Variants in MDGA1 observed in about 807,000 individuals in gnomAD.
The protein encoded by MDGA1 is MAM domain containing glycosylphosphatidylinositol anchor 1, also known as MAM domain-containing glycosylphosphatidylinositol anchor protein 1.
Under a neutral mutation model 101.5 loss-of-function variants are expected in MDGA1, and 54 were observed. The ratio of observed to expected loss-of-function variants is 0.53; its 90% CI spans 0.43 to 0.67. The LOEUF is 0.67. MDGA1 is among the 30% of genes least tolerant of loss of function. MDGA1 has a pLI of 0.00. For synonymous variants in MDGA1, 533 were observed against 558.3 expected, an observed-to-expected ratio of 0.95 and a Z score of 0.64; for missense variants, 1,083 against 1,323.8, an observed-to-expected ratio of 0.82 and a Z score of 2.82.
intron 1 of MDGA1, among the ~76,000 whole-genome samples, chr6:37,667,481 C>T (rs1761779215): frequency 1.3e-5 from 2 of 152,198 alleles, no homozygotes; most frequent in South Asian, 4.1e-4. Context: ...ATATAAGATG[C>T]ACTCTAGAAT....
Position 37,655,361 on chromosome 6 carries a change from G to T in MDGA1, c.579+339C>A. The T allele has an allele frequency of 3.0e-6, 1 of 334,296 alleles. No homozygotes were observed. The highest frequency in any genetic ancestry group is 4.9e-5 in the South Asian group (1 of 20,544). The allele number at this position is 334,296 out of a possible 1,614,324, so 20.7% of individuals were successfully genotyped here. On this transcript the variant is annotated intron_variant, in intron 4 of 16. Transcript: ENST00000434837. This position sits in a 1 kb window ranked among gnomAD's most constrained non-coding sequence, Gnocchi z 5.1. ...CCATGGGAAGAGGAGTCATCTCCTC[G>T]CCCCCAGATCCTGCTGTGCCTGGCC...
chr6:37,677,765 C>T (rs113956624), intron 1 of MDGA1, among the ~76,000 whole-genome samples: 1 of 152,138 alleles, frequency 6.6e-6, no homozygotes. Context: ...GCTGGTGGGG[C>T]CTTGGCCCAT....
At chr6:37,682,453 C>G (rs1366747850) in intron 1 of MDGA1, among the ~76,000 whole-genome samples, 1 of 152,184 alleles carries the variant, frequency 6.6e-6, no homozygotes, top group Non-Finnish European at 1.5e-5. Flanking sequence ...CATTGCACTC[C>G]AGCCTGGGTG....
chr6:37,683,601 A>AC, intron 1 of MDGA1, among the ~76,000 whole-genome samples: 1 of 152,012 alleles, frequency 6.6e-6, no homozygotes, highest in Non-Finnish European at 1.5e-5. Context: ...GGGAATTAAC[A>AC]CCCCCAGGAG....
chr6:37,648,963 G>T lies in MDGA1; in HGVS notation c.1894+19C>A. The T allele has an allele frequency of 6.5e-7, 1 of 1,547,814 alleles. No individual in the cohort carries two copies. ...CCTGGTGGGCGTGGTAGGTGGGGCG[G>T]GACCCACTGGACGCTCACCGGAGAC... On this transcript the variant is annotated intron_variant, in intron 9 of 16. Coordinates refer to ENST00000434837, the MANE Select transcript of MDGA1 (RefSeq NM_153487.4).
In MDGA1 at chr6:37,638,445, C is replaced by T. The variant is rs1000182780; in HGVS notation, c.2667+92G>A. 14 of 1,576,038 alleles carry T rather than the reference C, an allele frequency of 8.9e-6. No homozygotes were observed. Among genetic ancestry groups the T allele is most frequent in the Non-Finnish European group, 1.1e-5 (13 of 1,155,228 alleles). ...CTAACCTGACTCTTTCCATCCTTAG[C>T]CCCCAGGAAGAAGGACAAGGTTTTC... On this transcript the variant is annotated intron_variant, in intron 15 of 16. Coordinates refer to ENST00000434837, the MANE Select transcript of MDGA1 (RefSeq NM_153487.4). This position sits in a 1 kb window ranked among gnomAD's most constrained non-coding sequence, Gnocchi z 4.8.
chr6:37,664,861 A>ACACACACACACACACACACACACC (rs1761711006), intron 1 of MDGA1, among the ~76,000 whole-genome samples: 1 of 107,770 alleles, frequency 9.3e-6, no homozygotes, highest in African/African-American at 3.3e-5. Context: ...ACACACACAC[A>ACACACACACACACACACACACACC]CACACACACA....
At chr6:37,667,930 G>A (rs1226694940) in intron 1 of MDGA1, among the ~76,000 whole-genome samples, 1 of 152,174 alleles carries the variant, frequency 6.6e-6, no homozygotes, top group African/African-American at 2.4e-5. Flanking sequence ...GGGGCCATGA[G>A]TGGATATCAG....
chr6:37,638,147 C>T lies in MDGA1; in HGVS notation c.2776+58G>A. Reference sequence around the variant, plus strand: ...ACACCCTCCCTCAACAGACAGGAACCCCCGCCACGCACAGCTCCCTCCAGA... The same window carrying T: ...ACACCCTCCCTCAACAGACAGGAACTCCCGCCACGCACAGCTCCCTCCAGA... On this transcript the variant is annotated intron_variant, in intron 16 of 16. Coordinates refer to ENST00000434837, the MANE Select transcript of MDGA1 (RefSeq NM_153487.4). The surrounding 1 kb of genome is among the most constrained non-coding windows in gnomAD (Gnocchi z 4.8). 6.9e-7 allele frequency: 1 copy of T among 1,444,018 alleles called. No homozygotes were observed. The allele number at this position is 1,444,018 out of a possible 1,614,324, so 89.5% of individuals were successfully genotyped here. A position where few individuals can be genotyped will look rare whatever the true frequency, so the allele number is the denominator to read the frequency against.
intron 1 of MDGA1, among the ~76,000 whole-genome samples, chr6:37,674,973 C>T (rs1761947529): frequency 6.6e-6 from 1 of 152,176 alleles, no homozygotes; most frequent in Non-Finnish European, 1.5e-5. Flanking sequence ...GGGAGAATCA[C>T]TTGAACCTGG....
At chr6:37,695,921 T>A (rs1189112769) in intron 1 of MDGA1, among the ~76,000 whole-genome samples, 13 of 152,146 alleles carry the variant, frequency 8.5e-5, no homozygotes, top group Admixed American at 8.5e-4. Flanking sequence ...CCCCGGGCCT[T>A]CCCTGGGAAA....
intron 16 of MDGA1, chr6:37,637,967 G>A (rs1192507475): frequency 2.8e-5 from 16 of 580,822 alleles, no homozygotes; most frequent in Non-Finnish European, 4.0e-5. Flanking sequence ...CTCTGATACC[G>A]TGAACAGGTC....
chr6:37,687,441 T>C (rs1762220378), intron 1 of MDGA1, among the ~76,000 whole-genome samples: 3 of 150,096 alleles, frequency 2.0e-5, no homozygotes, highest in Admixed American at 1.3e-4. Context: ...TGGTGGTGTA[T>C]GCCTGTAGTC....
intron 1 of MDGA1, among the ~76,000 whole-genome samples, chr6:37,669,174 A>T (rs747503454): frequency 3.3e-5 from 5 of 152,118 alleles, no homozygotes; most frequent in Non-Finnish European, 7.4e-5. Flanking sequence ...AGAAGAAGAG[A>T]TCCCATCTGG....
intron 2 of MDGA1, 149 bp from the exon 3 acceptor site, chr6:37,658,568 A>T: frequency 1.4e-6 from 1 of 731,888 alleles, no homozygotes; most frequent in Non-Finnish European, 2.2e-6. Context: ...ACGAACCCAG[A>T]CAGACTCGTG....
intron 1 of MDGA1, among the ~76,000 whole-genome samples, chr6:37,694,540 G>T (rs1007790719): frequency 3.9e-5 from 6 of 152,186 alleles, no homozygotes; most frequent in East Asian, 1.9e-4. Flanking sequence ...GGGGAGGGGG[G>T]CAGAAGAACT....
chr6:37,640,786 G>A (rs1284651890), intron 14 of MDGA1, among the ~76,000 whole-genome samples: 2 of 152,156 alleles, frequency 1.3e-5, no homozygotes, highest in East Asian at 3.9e-4. Context: ...GGAGGAGGAA[G>A]AAATGGTATG....
rs1761287887 is a variant in MDGA1, at chr6:37,649,035, T to C, written c.1841A>G (p.Glu614Gly). 1 of 1,547,250 alleles carries C rather than the reference T, an allele frequency of 6.5e-7. No homozygotes were observed. The part of the protein sequence containing the change: ...AVTRDSSGSY[E>G]CSVSNDVGSA... ...GCCCACATCGTTGGAGACGCTGCAC[T>C]CGTAGCTGCCGCTGCTGTCGCGAGT... The change falls in exon 9 of 17, where the codon GAG (glutamate) becomes GGG (glycine). Residue 614 changes from glutamate to glycine, a missense_variant. By Grantham distance (98) the Glu-to-Gly change is moderately conservative (BLOSUM62 -2). Around this residue, in one of 3 missense-constraint regions of MDGA1, gnomAD observed 657 missense variants for 771.4 expected, o/e 0.85. Coordinates refer to ENST00000434837, the MANE Select transcript of MDGA1 (RefSeq NM_153487.4).
At chr6:37,639,109 G>A (rs1398332997) in intron 14 of MDGA1, 1 of 179,380 alleles carries the variant, frequency 5.6e-6, no homozygotes, top group East Asian at 1.3e-4. Context: ...CTTTTAAAAT[G>A]TTTAATACCC....
Sources: allele counts gnomAD v4.1 joint callset (sites outside exome capture counted in the v4.1 genomes callset), GRCh38; gene constraint gnomAD v4.1.1; regional missense constraint gnomAD v4.1.1; non-coding constraint Gnocchi (gnomAD v3.1); transcripts MANE v1.5; gene names NCBI Gene and HGNC (gene_info 2026-07-23, HGNC 2026-07-21).